The following GSK3B variants were observed in gnomAD, a reference collection of about 807,000 sequenced individuals.
GSK3B encodes the protein glycogen synthase kinase-3 beta.
A neutral mutation model predicts 56.4 loss-of-function variants in GSK3B; 15 were observed. That is an observed-to-expected ratio of 0.27 (90% CI 0.18 to 0.41). GSK3B has a LOEUF of 0.41. Ranked by LOEUF, GSK3B falls within the 10% of genes least tolerant of loss-of-function variation. The pLI is 1.00. For missense variants in GSK3B, 300 were observed against 513.4 expected, an observed-to-expected ratio of 0.58 and a Z score of 4.02; for synonymous variants, 181 against 188.9, an observed-to-expected ratio of 0.96 and a Z score of 0.34.
intron 1 of GSK3B, 112 bp downstream of exon 1, chr3:120,093,234 CT>C (rs551774189): frequency 8.8e-5 from 64 of 724,726 alleles, no homozygotes; most frequent in Middle Eastern, 6.8e-4. Flanking sequence ...AGGTTTTGCC[CT>C]TTTCCATTGC....
chr3:119,850,893 G>C (rs1050420259), intron 9 of GSK3B, among the ~76,000 whole-genome samples: 3 of 152,050 alleles, frequency 2.0e-5, no homozygotes, highest in Non-Finnish European at 2.9e-5. Flanking sequence ...TAATGAAGTG[G>C]GACAGCTCTG....
chr3:119,832,914 T>A (rs2055626934), intron 10 of GSK3B: 18 of 860,496 alleles, frequency 2.1e-5, no homozygotes, highest in Non-Finnish European at 2.5e-5. Flanking sequence ...TCTGGTATCA[T>A]AATTTCTTTT....
chr3:119,899,323 T>C (rs1420537658), intron 7 of GSK3B, among the ~76,000 whole-genome samples: 1 of 152,162 alleles, frequency 6.6e-6, no homozygotes, highest in Admixed American at 6.6e-5. Flanking sequence ...TGGCTCTGGG[T>C]AACTAAAACA....
At chr3:119,869,275 C>T (rs1233146428) in intron 8 of GSK3B, among the ~76,000 whole-genome samples, 4 of 145,708 alleles carry the variant, frequency 2.7e-5, no homozygotes, top group Admixed American at 6.9e-5. Context: ...CTTTCACATG[C>T]TTTGCTACAT....
Position 120,094,371 on chromosome 3 carries a change from T to C in GSK3B, c.-937A>G, listed in dbSNP as rs2058546114. On this transcript the variant is annotated 5_prime_UTR_variant, in exon 1 of 11. Transcript: ENST00000264235. ...CTCCTCCTCGCTTCCTTCCTTCCTT[T>C]GTCACTTGGCCCGGGCGGCGGCGGC... 3 of 298,766 alleles carry C rather than the reference T, an allele frequency of 1.0e-5. No individual in the cohort carries two copies. The highest frequency in any genetic ancestry group is 1.2e-5 in the Non-Finnish European group (2 of 160,286). The allele number at this position is 298,766 out of a possible 1,614,324, so 18.5% of individuals were successfully genotyped here.
intron 1 of GSK3B, among the ~76,000 whole-genome samples, chr3:120,009,361 TCTA>T (rs1417876390): frequency 6.6e-6 from 1 of 152,122 alleles, no homozygotes; most frequent in Admixed American, 6.6e-5. Flanking sequence ...TATAAATCAT[TCTA>T]CTATGAAACA....
intron 1 of GSK3B, among the ~76,000 whole-genome samples, chr3:120,074,538 G>A (rs911084587): frequency 6.6e-6 from 1 of 151,668 alleles, no homozygotes; most frequent in Non-Finnish European, 1.5e-5. Context: ...GGCTGGTCTC[G>A]AACTCCTGAC....
intron 1 of GSK3B, among the ~76,000 whole-genome samples, chr3:120,046,166 C>G (rs2058101124): frequency 6.6e-6 from 1 of 152,150 alleles, no homozygotes; most frequent in Non-Finnish European, 1.5e-5. Flanking sequence ...TAAAACTATT[C>G]TGCATGACAC....
chr3:119,905,260 A>G (rs1265143385), intron 7 of GSK3B, among the ~76,000 whole-genome samples: 3 of 152,010 alleles, frequency 2.0e-5, no homozygotes, highest in South Asian at 2.1e-4. Context: ...TATTAAATCC[A>G]TAAGTCAAAA....
intron 8 of GSK3B, among the ~76,000 whole-genome samples, chr3:119,865,465 TA>T (rs1227786317): frequency 0.012 from 231 of 18,880 alleles, 2 homozygotes; most frequent in African/African-American, 0.028. Context: ...TATATATATA[TA>T]TTTTTTTTTT....
At chr3:119,969,047 T>G (rs1475560144) in intron 2 of GSK3B, among the ~76,000 whole-genome samples, 1 of 152,066 alleles carries the variant, frequency 6.6e-6, no homozygotes, top group Non-Finnish European at 1.5e-5. Context: ...ATCCCAGCAC[T>G]TGGGGAGGCG....
At chr3:120,086,093 A>G (rs1027076013) in intron 1 of GSK3B, among the ~76,000 whole-genome samples, 4 of 152,154 alleles carry the variant, frequency 2.6e-5, no homozygotes, top group African/African-American at 9.7e-5. Flanking sequence ...CATAATTCAT[A>G]AGAAAGCTTA....
intron 2 of GSK3B, among the ~76,000 whole-genome samples, chr3:119,955,360 T>C (rs984278049): frequency 1.3e-5 from 2 of 152,158 alleles, no homozygotes; most frequent in African/African-American, 2.4e-5. Flanking sequence ...CATGTAATGA[T>C]CATATTTTGA....
At chr3:120,066,625 A>AGT (rs1353478123) in intron 1 of GSK3B, among the ~76,000 whole-genome samples, 1 of 152,190 alleles carries the variant, frequency 6.6e-6, no homozygotes, top group South Asian at 2.1e-4. Flanking sequence ...TCCAGCTACA[A>AGT]ATACAAAATG....
At position 119,861,610 on chromosome 3, in the gene GSK3B, G is replaced by A. The variant is rs116254906; in HGVS notation, c.1096+1809C>T. Among the ~76,000 whole-genome samples, 657 of 151,590 alleles carry A rather than the reference G, an allele frequency of 4.3e-3. 4 individuals carry two copies. The highest frequency in any genetic ancestry group is 0.01 in the Middle Eastern group (3 of 292). On this transcript the variant is annotated intron_variant, in intron 9 of 10. Transcript: ENST00000264235. ...TTCCCTGGACATCTGTGTCTTTATT[G>A]CATAGAAACACTGTTCAAAAACAGT...
chr3:119,913,502 T>C (rs2056754538), intron 5 of GSK3B, among the ~76,000 whole-genome samples: 1 of 152,076 alleles, frequency 6.6e-6, no homozygotes, highest in Non-Finnish European at 1.5e-5. Flanking sequence ...TGAAGTATAA[T>C]AAATTACAAT....
chr3:120,012,357 T>C (rs896658678), intron 1 of GSK3B, among the ~76,000 whole-genome samples: 2 of 152,170 alleles, frequency 1.3e-5, no homozygotes, highest in African/African-American at 2.4e-5. Context: ...AGTACTAAAT[T>C]TCCTAGCATA....
At chr3:120,002,784 A>G (rs1559871850) in intron 1 of GSK3B, among the ~76,000 whole-genome samples, 1 of 152,184 alleles carries the variant, frequency 6.6e-6, no homozygotes, top group South Asian at 2.1e-4. Context: ...TTTCAACCCC[A>G]TGAGGTAGAC....
rs976416858 is a variant in GSK3B at position 119,821,645 on chromosome 3, T to A, written c.*5143A>T. 6.6e-6 allele frequency: 1 copy of A among 152,328 alleles called. No individual in the cohort carries two copies. Among genetic ancestry groups the A allele is most frequent in the African/African-American group, 2.4e-5 (1 of 41,444 alleles). 9.4% of individuals were successfully genotyped at this position (152,328 alleles called of 1,614,324 possible). A position where few individuals can be genotyped will look rare whatever the true frequency, so the allele number is the denominator to read the frequency against. On this transcript the variant is annotated 3_prime_UTR_variant, in exon 11 of 11. Transcript: ENST00000264235. ...GAACACAGTAATCAAAGACAGCAGC[T>A]TATACACATTTAAAAACTGTCCCTT...
Sources: allele counts gnomAD v4.1 joint callset (sites outside exome capture counted in the v4.1 genomes callset), GRCh38; gene constraint gnomAD v4.1.1; transcripts MANE v1.5; gene names NCBI Gene and HGNC (gene_info 2026-07-23, HGNC 2026-07-21).